AVEN: variants seen among roughly 807,000 people sequenced by gnomAD.
The protein encoded by AVEN is apoptosis and caspase activation inhibitor.
AVEN carries 41 observed loss-of-function variants against 38.1 expected under a neutral mutation model. The ratio of observed to expected loss-of-function variants is 1.08; its 90% CI spans 0.84 to 1.40. The LOEUF (loss-of-function observed/expected upper bound fraction) is 1.40. Ranked by LOEUF, AVEN falls within the 40% of genes most tolerant of loss-of-function variation. The pLI is 0.00. For missense variants in AVEN, 605 were observed against 438.8 expected (o/e 1.38, Z -3.38); for synonymous variants, 206 against 171.8 (o/e 1.20, Z -1.56).
chr15:34,017,747 T>C (rs1898004422), intron 1 of AVEN, among the ~76,000 whole-genome samples: 1 of 152,148 alleles, frequency 6.6e-6, no homozygotes, highest in Non-Finnish European at 1.5e-5. Flanking sequence ...CCCAAAGTGC[T>C]GGGATTACAG....
intron 5 of AVEN, among the ~76,000 whole-genome samples, chr15:34,059,625 C>T (rs570019223): frequency 2.6e-5 from 4 of 152,244 alleles, no homozygotes; most frequent in Admixed American, 1.3e-4. Flanking sequence ...TGTTTCTTTC[C>T]ATTCCTCCTC....
intron 2 of AVEN, among the ~76,000 whole-genome samples, chr15:33,880,200 G>T (rs763134032): frequency 6.6e-6 from 1 of 152,068 alleles, no homozygotes; most frequent in Non-Finnish European, 1.5e-5. Context: ...TACCCAAAAA[G>T]ACCTGAAAAG....
rs763787086 is a variant in AVEN, at chr15:33,876,019, AT to A, written c.446-25del. 20 of 1,563,386 alleles carry A rather than the reference AT, an allele frequency of 1.3e-5. No individual in the cohort carries two copies. In the East Asian group the frequency reaches 3.2e-4, roughly 25 times the overall value. On this transcript the variant is annotated intron_variant, in intron 2 of 5. Coordinates refer to ENST00000306730, the MANE Select transcript of AVEN (RefSeq NM_020371.3). ...CCCTAGGAATAGGAAAAAAAAAAAA[AT>A]TTATGCAAAAGCCAACGGAAACTCT...
Position 33,937,130 on chromosome 15 carries a change from C to CA in AVEN, c.446-61136dup, listed in dbSNP as rs11284986. Among the ~76,000 whole-genome samples the CA allele has an allele frequency of 3.1e-3, 333 of 106,264 alleles. 4 individuals are homozygous for CA. Among genetic ancestry groups the CA allele is most frequent in the African/African-American group, 0.012 (320 of 26,582 alleles). 69.7% of individuals were successfully genotyped at this position (106,264 alleles called of 152,430 possible). A position where few individuals can be genotyped will look rare whatever the true frequency, so the allele number is the denominator to read the frequency against. ...TGGGCGACAGAGCGAGACTTCAACT[C>CA]AAAAAAAAAAAAAAAAAAAGACCAA... On this transcript the variant is annotated intron_variant, in intron 2 of 5. Transcript: ENST00000306730.
chr15:33,857,557 C>A (rs1282757200), downstream of AVEN, among the ~76,000 whole-genome samples: 2 of 152,130 alleles, frequency 1.3e-5, no homozygotes, highest in Non-Finnish European at 2.9e-5. Context: ...AACACCCCAT[C>A]ATTACTCTTT....
At chr15:34,007,819 G>A (rs936272234) in intron 1 of AVEN, among the ~76,000 whole-genome samples, 1 of 152,152 alleles carries the variant, frequency 6.6e-6, no homozygotes, top group African/African-American at 2.4e-5. Flanking sequence ...AGTTCTGAGG[G>A]AGAATCTATT....
intron 2 of AVEN, among the ~76,000 whole-genome samples, chr15:33,951,260 C>T (rs958608485): frequency 6.6e-6 from 1 of 152,132 alleles, no homozygotes; most frequent in African/African-American, 2.4e-5. Flanking sequence ...GGTACGCTTC[C>T]TTCAAAACAT....
chr15:33,964,330 T>A (rs1209533524), intron 2 of AVEN, among the ~76,000 whole-genome samples: 1 of 152,064 alleles, frequency 6.6e-6, no homozygotes. Context: ...ATATTAAGGA[T>A]GACAAATTAG....
exon 4 of AVEN, chr15:34,066,105 T>C (rs1900503914): frequency 6.6e-6 from 1 of 152,230 alleles, no homozygotes; most frequent in African/African-American, 2.4e-5. Flanking sequence ...CACGTTGACA[T>C]GAAACATCTT....
At chr15:33,853,788 T>C, downstream of AVEN, 1 of 1,446,244 alleles carries the variant, frequency 6.9e-7, no homozygotes, top group Non-Finnish European at 9.3e-7. Context: ...CAGGCTGTGG[T>C]CTGGCTTAGG....
chr15:33,975,114 A>G (rs1235151112), intron 2 of AVEN, among the ~76,000 whole-genome samples: 5 of 152,254 alleles, frequency 3.3e-5, no homozygotes, highest in Non-Finnish European at 7.3e-5. Context: ...GGGTTGAGAC[A>G]GAAAGCTTAG....
At chr15:33,904,706 T>TACACACACACACAC (rs755723684) in intron 2 of AVEN, among the ~76,000 whole-genome samples, 3 of 101,392 alleles carry the variant, frequency 3.0e-5, no homozygotes, top group South Asian at 3.1e-4. Flanking sequence ...TATATATATA[T>TACACACACACACAC]ATATATATAT....
At chr15:33,939,483 A>G (rs1894230404) in intron 2 of AVEN, among the ~76,000 whole-genome samples, 1 of 152,216 alleles carries the variant, frequency 6.6e-6, no homozygotes, top group African/African-American at 2.4e-5. Flanking sequence ...ATTTACAGAG[A>G]GACAGATAAT....
intron 4 of AVEN, chr15:34,064,568 G>T: frequency 1.9e-6 from 1 of 533,102 alleles, no homozygotes. Context: ...GAAGTAAAGG[G>T]ATAGGCTCAT....
Position 33,866,269 on chromosome 15 carries a change from T to TGTTTGCATCTATTCTCTTA in AVEN, c.*325_*343dup, listed in dbSNP as rs1890467581. 2 of 235,548 alleles carry TGTTTGCATCTATTCTCTTA rather than the reference T, an allele frequency of 8.5e-6. No homozygotes were observed. Among genetic ancestry groups the TGTTTGCATCTATTCTCTTA allele is most frequent in the African/African-American group, 4.5e-5 (2 of 44,414 alleles). 14.6% of individuals were successfully genotyped at this position (235,548 alleles called of 1,614,324 possible). On this transcript the variant is annotated 3_prime_UTR_variant, in exon 6 of 6. Transcript: ENST00000306730. ...GTTTATTTTGGCCAAATGCATGCCT[T>TGTTTGCATCTATTCTCTTA]GTTTGCATCTATTCTCTTAATCAGC...
chr15:34,002,912 T>TA (rs1897192190), intron 2 of AVEN, 120 bp downstream of exon 2: 2 of 990,176 alleles, frequency 2.0e-6, no homozygotes, highest in Non-Finnish European at 2.9e-6. Context: ...TTACTTGAAT[T>TA]AAAAATCCAA....
downstream of AVEN, chr15:33,858,193 G>A: frequency 2.7e-6 from 1 of 364,426 alleles, no homozygotes. Context: ...TATTTCCGGG[G>A]TAAAGATGAG....
chr15:34,001,302 G>A (rs960147347), intron 2 of AVEN, among the ~76,000 whole-genome samples: 4 of 152,160 alleles, frequency 2.6e-5, no homozygotes, highest in Non-Finnish European at 4.4e-5. Context: ...GATTACAGGC[G>A]TGAGCCACCA....
chr15:34,003,288 T>G, intron 1 of AVEN, 79 bp from the exon 2 acceptor site: 1 of 1,236,816 alleles, frequency 8.1e-7, no homozygotes. Context: ...AACAAAAAAG[T>G]ACATGGACAT....
Sources: allele counts gnomAD v4.1 joint callset (sites outside exome capture counted in the v4.1 genomes callset), GRCh38; gene constraint gnomAD v4.1.1; transcripts MANE v1.5; gene names NCBI Gene and HGNC (gene_info 2026-07-23, HGNC 2026-07-21).